The following AKAP13 variants were observed in gnomAD, a reference collection of about 807,000 sequenced individuals.
AKAP13 encodes the protein A-kinase anchor protein 13.
AKAP13 carries 80 observed loss-of-function variants against 264.5 expected under a neutral mutation model. The ratio of observed to expected loss-of-function variants is 0.30; its 90% CI spans 0.25 to 0.36. The LOEUF (loss-of-function observed/expected upper bound fraction) is 0.36. AKAP13 is among the 10% of genes least tolerant of loss of function. The pLI, the probability that AKAP13 is intolerant of heterozygous loss-of-function variation, is 1.00. For synonymous variants in AKAP13, 1,380 were observed against 1,250.2 expected, an observed-to-expected ratio of 1.10 and a Z score of -2.19; for missense variants, 3,712 against 3,435.2, an observed-to-expected ratio of 1.08 and a Z score of -2.01.
chr15:85,545,983 TC>T (rs1457139841), intron 5 of AKAP13, among the ~76,000 whole-genome samples: 2 of 152,130 alleles, frequency 1.3e-5, no homozygotes, highest in East Asian at 1.9e-4. Flanking sequence ...AAACTGAACT[TC>T]CTTTTCTCCA....
intron 8 of AKAP13, among the ~76,000 whole-genome samples, chr15:85,604,301 G>C (rs749662936): frequency 3.3e-5 from 5 of 152,260 alleles, no homozygotes; most frequent in Middle Eastern, 6.8e-3. Context: ...GGCAGGAGTT[G>C]CAGCTAAAAA....
intron 1 of AKAP13, among the ~76,000 whole-genome samples, chr15:85,442,421 A>ATATATATAT (rs370698661): frequency 8.7e-6 from 1 of 114,778 alleles, no homozygotes; most frequent in Non-Finnish European, 1.8e-5. Context: ...AAAAAAAAAA[A>ATATATATAT]AAATATATAT....
intron 32 of AKAP13, among the ~76,000 whole-genome samples, chr15:85,735,885 C>G (rs969581704): frequency 1.3e-5 from 2 of 152,176 alleles, no homozygotes; most frequent in African/African-American, 4.8e-5. Flanking sequence ...GGACCAGTTT[C>G]ATTAGGTTTG....
intron 1 of AKAP13, among the ~76,000 whole-genome samples, chr15:85,405,914 C>A (rs1457630423): frequency 1.3e-5 from 2 of 151,924 alleles, no homozygotes; most frequent in African/African-American, 2.4e-5. Context: ...CACTGGTGAT[C>A]ACAGCTCACC....
In AKAP13 at chr15:85,721,976, C is replaced by T. The variant is rs751236578; in HGVS notation, c.6253-15C>T. ...GGCGCCCCATGGCATAACTTCTGTT[C>T]TCTTTTCTCTGCAGTTTTCAGGTGA... On this transcript the variant is annotated splice_polypyrimidine_tract_variant and intron_variant, in intron 23 of 36. Coordinates refer to ENST00000394518, the MANE Select transcript of AKAP13 (RefSeq NM_007200.5). 4 of 1,613,516 alleles carry T rather than the reference C, an allele frequency of 2.5e-6. No homozygotes were observed. The Admixed American group carries it at 5.0e-5, about 20-fold the overall frequency.
At chr15:85,688,545 A>G (rs1006477215) in intron 16 of AKAP13, among the ~76,000 whole-genome samples, 1 of 152,194 alleles carries the variant, frequency 6.6e-6, no homozygotes, top group African/African-American at 2.4e-5. Flanking sequence ...TGATATATAT[A>G]TCTTTATGAA....
intron 8 of AKAP13, among the ~76,000 whole-genome samples, chr15:85,589,448 C>T (rs1417295491): frequency 6.6e-6 from 1 of 151,760 alleles, no homozygotes; most frequent in African/African-American, 2.4e-5. Context: ...ATTATGTTTC[C>T]AGCCATTAAA....
chr15:85,692,221 G>T (rs2085326074), intron 16 of AKAP13, among the ~76,000 whole-genome samples: 1 of 152,034 alleles, frequency 6.6e-6, no homozygotes, highest in Admixed American at 6.5e-5. Flanking sequence ...TTCTGTGTTG[G>T]CTTAGGAGAA....
intron 4 of AKAP13, among the ~76,000 whole-genome samples, chr15:85,539,828 G>C (rs1312952903): frequency 6.6e-6 from 1 of 152,066 alleles, no homozygotes; most frequent in Non-Finnish European, 1.5e-5. Context: ...GGGGTCTATG[G>C]AATAACATTA....
chr15:85,459,346 C>T (rs961748892), intron 1 of AKAP13, among the ~76,000 whole-genome samples: 75 of 149,300 alleles, frequency 5.0e-4, no homozygotes, highest in African/African-American at 1.7e-3. Flanking sequence ...CCACCACGCC[C>T]GGCTAATTTT....
In AKAP13 at chr15:85,745,020, A is replaced by G. The variant is rs2089326608; in HGVS notation, c.*343A>G. ...AAGGCTGAAAGAGTGTATCCAAGTA[A>G]GGTCTGAACCTCCGAATGCCTTTTA... On this transcript the variant is annotated 3_prime_UTR_variant, in exon 37 of 37. Transcript: ENST00000394518. The G allele has an allele frequency of 4.5e-6, 1 of 219,890 alleles. No individual in the cohort carries two copies. The highest frequency in any genetic ancestry group is 9.0e-6 in the Non-Finnish European group (1 of 110,968). The allele number at this position is 219,890 out of a possible 1,614,324, so 13.6% of individuals were successfully genotyped here. A position where few individuals can be genotyped will look rare whatever the true frequency, so the allele number is the denominator to read the frequency against.
intron 6 of AKAP13, chr15:85,577,800 A>G (rs964834357): frequency 1.0e-6 from 1 of 985,248 alleles, no homozygotes; most frequent in African/African-American, 1.7e-5. Flanking sequence ...TCCTGAAATT[A>G]TGACCCCATA....
intron 15 of AKAP13, chr15:85,683,534 A>G (rs1353890898): frequency 6.6e-6 from 1 of 152,162 alleles, no homozygotes; most frequent in East Asian, 1.9e-4. Context: ...GGCACAAACA[A>G]TCTCGGCTCA....
intron 5 of AKAP13, among the ~76,000 whole-genome samples, chr15:85,566,910 G>T (rs184243707): frequency 4.1e-4 from 63 of 152,038 alleles, no homozygotes; most frequent in African/African-American, 1.4e-3. Context: ...TTACAGACGT[G>T]AGCCACTGTG....
At chr15:85,508,062 A>T (rs918426024) in intron 2 of AKAP13, among the ~76,000 whole-genome samples, 1 of 151,780 alleles carries the variant, frequency 6.6e-6, no homozygotes, top group Non-Finnish European at 1.5e-5. Context: ...TTTCAGCAAG[A>T]TATTCTCAAA....
At chr15:85,664,286 G>A in intron 12 of AKAP13, among the ~76,000 whole-genome samples, 1 of 152,166 alleles carries the variant, frequency 6.6e-6, no homozygotes, top group South Asian at 2.1e-4. Flanking sequence ...TCCATATAGT[G>A]TGTAGAAAAA....
intron 5 of AKAP13, among the ~76,000 whole-genome samples, chr15:85,568,153 T>G (rs2078676571): frequency 6.6e-6 from 1 of 151,668 alleles, no homozygotes; most frequent in Non-Finnish European, 1.5e-5. Flanking sequence ...ATCCAAAAAT[T>G]AGCTCGTATG....
intron 14 of AKAP13, among the ~76,000 whole-genome samples, chr15:85,670,144 G>GA (rs1372128404): frequency 1.3e-5 from 2 of 152,048 alleles, no homozygotes; most frequent in Admixed American, 6.5e-5. Context: ...ATTCACTGGG[G>GA]AAAAAATTGC....
intron 1 of AKAP13, among the ~76,000 whole-genome samples, chr15:85,469,253 A>G (rs149690331): frequency 5.5e-4 from 83 of 151,886 alleles, no homozygotes; most frequent in African/African-American, 2.0e-3. Flanking sequence ...GAGAGATGTC[A>G]TGTGCGGATA....
Sources: gnomAD v4.1 joint callset for allele counts (sites outside exome capture counted in the v4.1 genomes callset) on GRCh38, gnomAD v4.1.1 for gene constraint, MANE v1.5 for transcripts, NCBI Gene and HGNC (gene_info 2026-07-23, HGNC 2026-07-21) for gene names.